The following MCTP1 variants were observed in gnomAD, a reference collection of about 807,000 sequenced individuals.
MCTP1 encodes the protein multiple C2 and transmembrane domain-containing protein 1.
A neutral mutation model predicts 120.6 loss-of-function variants in MCTP1; 69 were observed. The observed-to-expected ratio is 0.57, with a 90% CI of 0.47 to 0.70. The LOEUF (loss-of-function observed/expected upper bound fraction) is 0.70, where lower values mean the gene tolerates loss of function less well. MCTP1 is among the 30% of genes least tolerant of loss of function. MCTP1 has a pLI of 0.00. For synonymous variants in MCTP1, 529 were observed against 493.1 expected (o/e 1.07, Z -0.96); for missense variants, 1,203 against 1,248.8 (o/e 0.96, Z 0.55).
At chr5:95,146,556 A>C (rs1002299684) in intron 1 of MCTP1, among the ~76,000 whole-genome samples, 5 of 152,180 alleles carry the variant, frequency 3.3e-5, no homozygotes. Context: ...CTTTAGCTGC[A>C]TCCCCAAAAT....
At chr5:95,185,650 C>T (rs900981919) in intron 1 of MCTP1, among the ~76,000 whole-genome samples, 9 of 151,636 alleles carry the variant, frequency 5.9e-5, no homozygotes, top group African/African-American at 1.2e-4. Flanking sequence ...GGCATGGCAG[C>T]GCATGCCTGT....
chr5:95,274,201 C>T lies in MCTP1; in HGVS notation c.720+9655G>A, dbSNP rs182589083. 1.5e-3 allele frequency among the ~76,000 whole-genome samples: 228 copies of T among 152,250 alleles called. 2 individuals are homozygous for T. Among genetic ancestry groups the T allele is most frequent in the African/African-American group, 4.9e-3 (202 of 41,560 alleles). ...CCCGCTACTGACTTCCCATTTTTTG[C>T]ATACACAGGACACTTATTTGCCTTT... On this transcript the variant is annotated intron_variant, in intron 1 of 22. Transcript: ENST00000515393.
intron 5 of MCTP1, 28 bp from the exon 6 acceptor site, chr5:94,932,019 A>C: frequency 1.3e-6 from 2 of 1,520,694 alleles, no homozygotes; most frequent in Non-Finnish European, 1.8e-6. Flanking sequence ...CATTTTCATT[A>C]TCTTTTCACT....
intron 2 of MCTP1, among the ~76,000 whole-genome samples, chr5:94,960,616 A>G (rs1480048432): frequency 6.6e-6 from 1 of 152,246 alleles, no homozygotes; most frequent in Non-Finnish European, 1.5e-5. Flanking sequence ...GGATATGAAC[A>G]GATACTTTTC....
At chr5:95,273,471 C>T (rs544751713) in intron 1 of MCTP1, among the ~76,000 whole-genome samples, 1 of 152,296 alleles carries the variant, frequency 6.6e-6, no homozygotes, top group Non-Finnish European at 1.5e-5. Context: ...ATAACTATTT[C>T]TCCAAATATG....
At chr5:94,741,896 G>T (rs1302311631) in intron 19 of MCTP1, among the ~76,000 whole-genome samples, 2 of 152,178 alleles carry the variant, frequency 1.3e-5, no homozygotes, top group Non-Finnish European at 2.9e-5. Context: ...ATGTGAGATT[G>T]GGGTTAACAG....
chr5:95,284,635 C>G lies in MCTP1; in HGVS notation c.-60G>C, dbSNP rs952347835. ...CCTCCTCCTCCTCCTGCTTCTCCTCCCTCTTCGGCTGCACCTCCTCCCGGG... is the reference window on the plus strand; with the variant it reads ...CCTCCTCCTCCTCCTGCTTCTCCTCGCTCTTCGGCTGCACCTCCTCCCGGG... On this transcript the variant is annotated 5_prime_UTR_variant, in exon 1 of 23. Transcript: ENST00000515393. The surrounding 1 kb of genome is among the most constrained non-coding windows in gnomAD (Gnocchi z 5.2). The G allele has an allele frequency of 4.2e-5, 55 of 1,308,868 alleles. No individual in the cohort carries two copies. In the African/African-American group the frequency reaches 6.9e-4, roughly 16 times the overall value. 81.1% of individuals were successfully genotyped at this position (1,308,868 alleles called of 1,614,324 possible). A position where few individuals can be genotyped will look rare whatever the true frequency, so the allele number is the denominator to read the frequency against.
intron 2 of MCTP1, among the ~76,000 whole-genome samples, chr5:94,978,619 T>C (rs1234994983): frequency 6.6e-6 from 1 of 152,150 alleles, no homozygotes; most frequent in South Asian, 2.1e-4. Context: ...TACTGCATGA[T>C]TTCACTTACA....
At chr5:95,250,211 T>C (rs2152696803) in intron 1 of MCTP1, among the ~76,000 whole-genome samples, 1 of 152,284 alleles carries the variant, frequency 6.6e-6, no homozygotes, top group South Asian at 2.1e-4. Flanking sequence ...CATTTATTTG[T>C]AGCCTGTTAC....
intron 2 of MCTP1, among the ~76,000 whole-genome samples, chr5:94,974,605 G>T (rs1827658630): frequency 6.6e-6 from 1 of 151,790 alleles, no homozygotes; most frequent in Non-Finnish European, 1.5e-5. Flanking sequence ...ATTTTCAGAG[G>T]ATTCATTGGC....
chr5:94,831,741 T>C (rs1788554607), intron 17 of MCTP1, among the ~76,000 whole-genome samples: 2 of 152,194 alleles, frequency 1.3e-5, no homozygotes, highest in Non-Finnish European at 2.9e-5. Flanking sequence ...CAGCTTAACA[T>C]GTTTAAGAAT....
intron 1 of MCTP1, among the ~76,000 whole-genome samples, chr5:95,073,467 G>A (rs1485690672): frequency 2.0e-5 from 3 of 152,112 alleles, no homozygotes; most frequent in South Asian, 2.1e-4. Flanking sequence ...TATGGAGTGG[G>A]GAAGTAACTG....
intron 17 of MCTP1, among the ~76,000 whole-genome samples, chr5:94,813,188 A>G (rs1783807921): frequency 6.6e-6 from 1 of 152,216 alleles, no homozygotes; most frequent in South Asian, 2.1e-4. Context: ...CAAATAAAAC[A>G]TCTGAATGTC....
chr5:95,257,267 AG>A, intron 1 of MCTP1, among the ~76,000 whole-genome samples: 1 of 152,306 alleles, frequency 6.6e-6, no homozygotes, highest in South Asian at 2.1e-4. Flanking sequence ...TGTGGGATAC[AG>A]GCACTTCATG....
chr5:94,801,658 A>G (rs1781264505), intron 17 of MCTP1, among the ~76,000 whole-genome samples: 1 of 152,192 alleles, frequency 6.6e-6, no homozygotes, highest in African/African-American at 2.4e-5. Context: ...TAACCTATTA[A>G]GCAGATATGT....
At chr5:94,831,102 G>C (rs1394974850) in intron 17 of MCTP1, among the ~76,000 whole-genome samples, 1 of 152,224 alleles carries the variant, frequency 6.6e-6, no homozygotes. Flanking sequence ...TCTTTAAAGT[G>C]TAGGCTACTG....
At chr5:94,910,771 T>G (rs1808341995) in intron 9 of MCTP1, among the ~76,000 whole-genome samples, 1 of 152,172 alleles carries the variant, frequency 6.6e-6, no homozygotes, top group South Asian at 2.1e-4. Context: ...AGGTACCTAT[T>G]TTTGGAATCA....
chr5:94,965,786 A>G (rs10079848), intron 2 of MCTP1, among the ~76,000 whole-genome samples: 20,978 of 152,214 alleles, frequency 0.14, 1,522 homozygotes, highest in East Asian at 0.25. Context: ...TTAGGCCATG[A>G]GGACTCTATC....
chr5:94,946,289 C>G (rs1173112388), intron 3 of MCTP1, among the ~76,000 whole-genome samples: 1 of 152,094 alleles, frequency 6.6e-6, no homozygotes, highest in Admixed American at 6.6e-5. Context: ...GCTGCTTTGT[C>G]CCAGCATTCC....
Sources: allele counts gnomAD v4.1 joint callset (sites outside exome capture counted in the v4.1 genomes callset), GRCh38; gene constraint gnomAD v4.1.1; non-coding constraint Gnocchi (gnomAD v3.1); transcripts MANE v1.5; gene names NCBI Gene and HGNC (gene_info 2026-07-23, HGNC 2026-07-21).